SLC43A2: variants seen among roughly 807,000 people sequenced by gnomAD.
SLC43A2 encodes the protein solute carrier family 43 member 2, also known as large neutral amino acids transporter small subunit 4.
A neutral mutation model predicts 63.2 loss-of-function variants in SLC43A2; 38 were observed. That is an observed-to-expected ratio of 0.60 (90% CI 0.46 to 0.79). SLC43A2 has a LOEUF of 0.79. SLC43A2 is among the 30% of genes least tolerant of loss of function. The pLI is 0.00. For synonymous variants in SLC43A2, 322 were observed against 331.0 expected (o/e 0.97, Z 0.30); for missense variants, 644 against 756.2 (o/e 0.85, Z 1.74).
At chr17:1,623,849 T>TCTCCTCCAGGCTGTACCCTCCC (rs1567651396) in intron 2 of SLC43A2, among the ~76,000 whole-genome samples, 2 of 147,476 alleles carry the variant, frequency 1.4e-5, no homozygotes, top group Non-Finnish European at 3.0e-5. Flanking sequence ...TGTACCCTCC[T>TCTCCTCCAGGCTGTACCCTCCC]CTCCTCCAGG....
intron 5 of SLC43A2, chr17:1,604,578 A>G: frequency 2.8e-6 from 2 of 716,446 alleles, no homozygotes; most frequent in East Asian, 2.7e-5. Context: ...TCATCAACAC[A>G]GCACGCTATT....
intron 11 of SLC43A2, among the ~76,000 whole-genome samples, chr17:1,579,832 T>C (rs1383090698): frequency 6.6e-6 from 1 of 151,862 alleles, no homozygotes; most frequent in Non-Finnish European, 1.5e-5. Flanking sequence ...AGTGAGACCC[T>C]GTCTCAAAAA....
chr17:1,611,560 G>A (rs761346926), intron 5 of SLC43A2, among the ~76,000 whole-genome samples: 21 of 151,940 alleles, frequency 1.4e-4, no homozygotes, highest in Admixed American at 3.3e-4. Context: ...GCCTGAACCC[G>A]GGAGGCGGAG....
intron 5 of SLC43A2, among the ~76,000 whole-genome samples, chr17:1,599,756 A>G (rs1473488088): frequency 6.6e-6 from 1 of 151,616 alleles, no homozygotes; most frequent in Non-Finnish European, 1.5e-5. Context: ...AACTTAAAAA[A>G]TTATTTGGCC....
Position 1,586,928 on chromosome 17 carries a change from T to TACC in SLC43A2, c.1079-878_1079-877insGGT. 8.9e-6 allele frequency: 11 copies of TACC among 1,232,898 alleles called. No homozygotes were observed. The Admixed American group carries it at 1.1e-4, about 12-fold the overall frequency. The allele number at this position is 1,232,898 out of a possible 1,614,324, so 76.4% of individuals were successfully genotyped here. A position where few individuals can be genotyped will look rare whatever the true frequency, so the allele number is the denominator to read the frequency against. On this transcript the variant is annotated intron_variant, in intron 9 of 13. Transcript: ENST00000301335. ...GGGACATCACAGCATTCCCTGACAATCCCCCCCACCCCCCGCTTACCCGTG... is the reference window on the plus strand; with the variant it reads ...GGGACATCACAGCATTCCCTGACAATACCCCCCCCCACCCCCCGCTTACCCGTG...
intron 11 of SLC43A2, among the ~76,000 whole-genome samples, chr17:1,581,126 C>T (rs1368369893): frequency 6.6e-6 from 1 of 151,620 alleles, no homozygotes; most frequent in Non-Finnish European, 1.5e-5. Flanking sequence ...GCAGCCAGGA[C>T]CTGTTCCCAG....
At chr17:1,623,369 C>T (rs957418344) in intron 2 of SLC43A2, among the ~76,000 whole-genome samples, 1 of 152,156 alleles carries the variant, frequency 6.6e-6, no homozygotes, top group African/African-American at 2.4e-5. Context: ...GCCTTCATGC[C>T]CATGGTCAGA....
chr17:1,609,973 G>A (rs1567639576), intron 5 of SLC43A2, among the ~76,000 whole-genome samples: 3 of 151,644 alleles, frequency 2.0e-5, no homozygotes, highest in East Asian at 2.0e-4. Context: ...GCAATGCCGC[G>A]GTCTCGGCTC....
rs2151065870 is a variant in SLC43A2, at chr17:1,606,367, T to G, written c.501+6828A>C. The stretch of plus-strand genomic sequence containing the variant: ...ATCCCACCTCCCATGAAATCATGCC[T>G]TCCTCAGGTTTAAAGTCAGACTTGA... On this transcript the variant is annotated intron_variant, in intron 5 of 13. Transcript: ENST00000301335. This position sits in a 1 kb window ranked among gnomAD's most constrained non-coding sequence, Gnocchi z 4.7. 6.6e-6 allele frequency among the ~76,000 whole-genome samples: 1 copy of G among 152,310 alleles called. No homozygotes were observed. Among genetic ancestry groups the G allele is most frequent in the South Asian group, 2.1e-4 (1 of 4,828 alleles).
chr17:1,592,492 G>A lies in SLC43A2; in HGVS notation c.594+695C>T, dbSNP rs145732707. ...CCAGTCCAGGGGCATGAGAATCTCT[G>A]CAAGTCCATAGGATGGCTGGCCCCA... On this transcript the variant is annotated intron_variant, in intron 6 of 13. Coordinates refer to ENST00000301335, the MANE Select transcript of SLC43A2 (RefSeq NM_152346.3). Among the ~76,000 whole-genome samples, 120 of 152,318 alleles carry A rather than the reference G, an allele frequency of 7.9e-4. 1 individual carries two copies. The East Asian group carries it at 0.022, about 28-fold the overall frequency.
chr17:1,628,555 G>T (rs1389784565), intron 1 of SLC43A2, among the ~76,000 whole-genome samples: 1 of 152,142 alleles, frequency 6.6e-6, no homozygotes, highest in Admixed American at 6.5e-5. Flanking sequence ...AACCGGTGGC[G>T]CGAGCCAGCC....
rs2075946804 is a variant in SLC43A2, at chr17:1,577,150, C to T, written c.1425-430G>A. Among the ~76,000 whole-genome samples, 1 of 152,200 alleles carries T rather than the reference C, an allele frequency of 6.6e-6. No homozygotes were observed. The highest frequency in any genetic ancestry group is 2.4e-5 in the African/African-American group (1 of 41,450). ...AAGTTCTGGGATTACAGGCGTGAGC[C>T]ACCGCGCCCGGCCCTGCTGGGTGGT... On this transcript the variant is annotated intron_variant, in intron 12 of 13. Coordinates refer to ENST00000301335, the MANE Select transcript of SLC43A2 (RefSeq NM_152346.3). The surrounding 1 kb of genome is among the most constrained non-coding windows in gnomAD (Gnocchi z 4.9).
intron 5 of SLC43A2, among the ~76,000 whole-genome samples, chr17:1,608,986 T>C (rs1041536594): frequency 2.0e-5 from 3 of 152,022 alleles, no homozygotes; most frequent in African/African-American, 7.2e-5. Context: ...TGTAGAAAAA[T>C]AGACAAATGA....
intron 9 of SLC43A2, chr17:1,586,928 T>TTC: frequency 8.1e-7 from 1 of 1,232,916 alleles, no homozygotes; most frequent in Non-Finnish European, 1.1e-6. Context: ...TCCCTGACAA[T>TTC]CCCCCCCACC....
At chr17:1,618,853 C>T (rs1025372580) in intron 2 of SLC43A2, among the ~76,000 whole-genome samples, 20 of 149,824 alleles carry the variant, frequency 1.3e-4, no homozygotes, top group African/African-American at 4.7e-4. Flanking sequence ...GGCATGGTGG[C>T]GCATGCCTGT....
chr17:1,591,724 T>TGGGGGGGGAG, intron 6 of SLC43A2, 25 bp from the exon 7 acceptor site: 1 of 218,410 alleles, frequency 4.6e-6, no homozygotes, highest in Non-Finnish European at 9.3e-6. Context: ...GGGGACGGGG[T>TGGGGGGGGAG]GGGGGGGGGA....
intron 11 of SLC43A2, among the ~76,000 whole-genome samples, chr17:1,581,400 G>A (rs925804312): frequency 6.6e-6 from 1 of 152,252 alleles, no homozygotes; most frequent in African/African-American, 2.4e-5. Flanking sequence ...CAGGAGGCCA[G>A]GGAGGGCCGG....
chr17:1,618,875 C>T (rs1598492469), intron 2 of SLC43A2, among the ~76,000 whole-genome samples: 1 of 151,622 alleles, frequency 6.6e-6, no homozygotes, highest in East Asian at 1.9e-4. Flanking sequence ...ATCCCAGCTA[C>T]TCAGGAGGCT....
chr17:1,591,487 A>T lies in SLC43A2; in HGVS notation c.729-16T>A. ...GATCTTCACCCTGGGGCCCCGGGAG[A>T]GTGTCTGTGGGTGCTGCCCGGGACC... On this transcript the variant is annotated splice_polypyrimidine_tract_variant and intron_variant, in intron 7 of 13. Coordinates refer to ENST00000301335, the MANE Select transcript of SLC43A2 (RefSeq NM_152346.3). 1.9e-6 allele frequency: 3 copies of T among 1,610,580 alleles called. No homozygotes were observed. The highest frequency in any genetic ancestry group is 2.5e-6 in the Non-Finnish European group (3 of 1,179,232).
Sources: allele counts gnomAD v4.1 joint callset (sites outside exome capture counted in the v4.1 genomes callset), GRCh38; gene constraint gnomAD v4.1.1; non-coding constraint Gnocchi (gnomAD v3.1); transcripts MANE v1.5; gene names NCBI Gene and HGNC (gene_info 2026-07-23, HGNC 2026-07-21).